Variants in CNR2 observed in about 807,000 individuals in gnomAD.
CNR2 encodes cannabinoid receptor 2 (macrophage).
For synonymous variants in CNR2, 172 were observed against 182.2 expected, an observed-to-expected ratio of 0.94 and a Z score of 0.45; for missense variants, 379 against 439.9, an observed-to-expected ratio of 0.86 and a Z score of 1.24.
chr1:23,894,994 C>T (rs796483919), intron 1 of CNR2, among the ~76,000 whole-genome samples: 41 of 151,478 alleles, frequency 2.7e-4, no homozygotes, highest in African/African-American at 3.4e-4. Context: ...CTGAGGTGGG[C>T]GGATCACCTG....
At chr1:23,896,496 A>C (rs994431730) in intron 1 of CNR2, among the ~76,000 whole-genome samples, 2 of 152,242 alleles carry the variant, frequency 1.3e-5, no homozygotes, top group African/African-American at 4.8e-5. Flanking sequence ...CAGCTTATAT[A>C]GATGCTATAT....
intron 1 of CNR2, among the ~76,000 whole-genome samples, chr1:23,886,542 G>A (rs187732636): frequency 1.2e-3 from 186 of 152,294 alleles, no homozygotes; most frequent in African/African-American, 4.3e-3. Flanking sequence ...GCTAGGTGAG[G>A]CCCAAAGCCA....
chr1:23,911,101 C>A (rs1012909652), intron 1 of CNR2, among the ~76,000 whole-genome samples: 1 of 142,416 alleles, frequency 7.0e-6, no homozygotes, highest in African/African-American at 2.7e-5. Flanking sequence ...TGAAGACAAC[C>A]CTTCTTCCTG....
intron 1 of CNR2, among the ~76,000 whole-genome samples, chr1:23,904,131 A>T (rs1640446577): frequency 6.7e-6 from 1 of 150,028 alleles, no homozygotes; most frequent in Admixed American, 6.6e-5. Flanking sequence ...CTCCTTTGTG[A>T]TCCAGGTGAT....
intron 1 of CNR2, chr1:23,901,769 A>G: frequency 6.8e-7 from 1 of 1,480,492 alleles, no homozygotes; most frequent in Non-Finnish European, 9.4e-7. Context: ...CTCAATCTTC[A>G]CGCTGTACTC....
At chr1:23,902,379 T>C in intron 1 of CNR2, 2 of 1,586,136 alleles carry the variant, frequency 1.3e-6, no homozygotes, top group Non-Finnish European at 1.7e-6. Context: ...GCAGGCGTTC[T>C]TGGCTTTCAG....
chr1:23,905,871 T>A (rs1314690400), intron 1 of CNR2, among the ~76,000 whole-genome samples: 2 of 152,186 alleles, frequency 1.3e-5, no homozygotes, highest in Non-Finnish European at 2.9e-5. Flanking sequence ...AAAGAACACA[T>A]GTTGCAATCT....
At chr1:23,889,730 G>A (rs747481820) in intron 1 of CNR2, among the ~76,000 whole-genome samples, 5 of 152,130 alleles carry the variant, frequency 3.3e-5, no homozygotes, top group African/African-American at 4.8e-5. Flanking sequence ...TCACAGGTTT[G>A]GGAACCAGAC....
chr1:23,885,834 C>T (rs770824354), intron 1 of CNR2, among the ~76,000 whole-genome samples: 85 of 148,664 alleles, frequency 5.7e-4, no homozygotes, highest in Non-Finnish European at 1.0e-3. Context: ...GCTGAGATTG[C>T]GCCACTGTAC....
rs151326543 is a variant in CNR2 at position 23,912,668 on chromosome 1, G to A, written c.-46+578C>T. Among the ~76,000 whole-genome samples the A allele has an allele frequency of 1.2e-4, 18 of 152,298 alleles. No homozygotes were observed. In the East Asian group the frequency reaches 2.3e-3, roughly 20 times the overall value. On this transcript the variant is annotated intron_variant, in intron 1 of 1. Transcript: ENST00000374472. Reference sequence around the variant, plus strand: ...TAGGGCAGCGCCTGGCACACAGTAAGGCCATCTCTGTGTGTGTGATTCTTG... The same window carrying A: ...TAGGGCAGCGCCTGGCACACAGTAAAGCCATCTCTGTGTGTGTGATTCTTG...
intron 1 of CNR2, among the ~76,000 whole-genome samples, chr1:23,890,471 C>T (rs1331218326): frequency 2.0e-5 from 3 of 151,726 alleles, no homozygotes; most frequent in African/African-American, 4.8e-5. Flanking sequence ...ACCCGCTGGG[C>T]GAGGTGGCTC....
Position 23,874,448 on chromosome 1 carries a change from T to C in CNR2, c.*87A>G. Reference sequence around the variant, plus strand: ...TCTAGGTGTCTGGGACTGGTTTAAGTAAGAAGAGAGTGCCAAGACCCCTCT... The same window carrying C: ...TCTAGGTGTCTGGGACTGGTTTAAGCAAGAAGAGAGTGCCAAGACCCCTCT... On this transcript the variant is annotated 3_prime_UTR_variant, in exon 2 of 2. Coordinates refer to ENST00000374472, the MANE Select transcript of CNR2 (RefSeq NM_001841.3). 2 of 1,426,072 alleles carry C rather than the reference T, an allele frequency of 1.4e-6. No homozygotes were observed. The highest frequency in any genetic ancestry group is 1.9e-6 in the Non-Finnish European group (2 of 1,053,564). The allele number at this position is 1,426,072 out of a possible 1,614,324, so 88.3% of individuals were successfully genotyped here. A position where few individuals can be genotyped will look rare whatever the true frequency, so the allele number is the denominator to read the frequency against.
chr1:23,892,294 G>A (rs1314559345), intron 1 of CNR2, among the ~76,000 whole-genome samples: 4 of 152,262 alleles, frequency 2.6e-5, no homozygotes, highest in East Asian at 3.9e-4. Context: ...TCTCTCTAGT[G>A]ATATAGGTCC....
intron 1 of CNR2, among the ~76,000 whole-genome samples, chr1:23,895,687 T>C (rs900863768): frequency 6.6e-6 from 1 of 152,148 alleles, no homozygotes; most frequent in African/African-American, 2.4e-5. Flanking sequence ...TTTGTATTTT[T>C]AGTGGAGACG....
intron 1 of CNR2, among the ~76,000 whole-genome samples, chr1:23,882,443 A>G (rs1467249346): frequency 6.6e-6 from 1 of 152,180 alleles, no homozygotes. Flanking sequence ...TTGAATGACT[A>G]CGAAATTGTG....
intron 1 of CNR2, among the ~76,000 whole-genome samples, chr1:23,894,362 A>G (rs1276224089): frequency 6.6e-6 from 1 of 152,046 alleles, no homozygotes. Context: ...TGGAGGTTGC[A>G]CTGAGCTGAG....
At position 23,874,435 on chromosome 1, in the gene CNR2, G is replaced by T; in HGVS notation, c.*100C>A. 7.5e-7 allele frequency: 1 copy of T among 1,327,750 alleles called. No homozygotes were observed. The highest frequency in any genetic ancestry group is 1.0e-6 in the Non-Finnish European group (1 of 970,682). The allele number at this position is 1,327,750 out of a possible 1,614,324, so 82.2% of individuals were successfully genotyped here. A position where few individuals can be genotyped will look rare whatever the true frequency, so the allele number is the denominator to read the frequency against. ...AAAGGGGTCCGTGTCTAGGTGTCTG[G>T]GACTGGTTTAAGTAAGAAGAGAGTG... On this transcript the variant is annotated 3_prime_UTR_variant, in exon 2 of 2. Coordinates refer to ENST00000374472, the MANE Select transcript of CNR2 (RefSeq NM_001841.3).
At chr1:23,905,376 C>A (rs917857059) in intron 1 of CNR2, among the ~76,000 whole-genome samples, 3 of 151,676 alleles carry the variant, frequency 2.0e-5, no homozygotes, top group African/African-American at 7.3e-5. Flanking sequence ...GATGGGGTTT[C>A]ACCATGTTGG....
chr1:23,886,898 TTTTTTTGTTTTTTA>T (rs996627078), intron 1 of CNR2, among the ~76,000 whole-genome samples: 14 of 14,306 alleles, frequency 9.8e-4, no homozygotes, highest in Non-Finnish European at 2.7e-3. Flanking sequence ...GTTTTTTTGT[TTTTTTTGTTTTTTA>T]TTTTTGTTTT....
Sources: allele counts gnomAD v4.1 joint callset (sites outside exome capture counted in the v4.1 genomes callset), GRCh38; gene constraint gnomAD v4.1.1; transcripts MANE v1.5; gene names NCBI Gene and HGNC (gene_info 2026-07-23, HGNC 2026-07-21).